The following RPS4X variants were observed in gnomAD, a reference collection of about 807,000 sequenced individuals.
RPS4X encodes ribosomal protein S4 X-linked.
For synonymous variants in RPS4X, 76 were observed against 76.8 expected (o/e 0.99, Z 0.06); for missense variants, 90 against 219.1 (o/e 0.41, Z 3.72).
intron 4 of RPS4X, 111 bp from the exon 5 acceptor site, chrX:72,274,083 G>T (rs1347029257): frequency 1.5e-5 from 10 of 665,723 alleles, no homozygotes; most frequent in Non-Finnish European, 1.9e-5. Context: ...GACGCTGATC[G>T]TTCTTTCCAC....
In RPS4X at chrX:72,275,119, A is replaced by G; in HGVS notation, c.294T>C (p.Asn98=). 1.7e-6 allele frequency: 2 copies of G among 1,206,574 alleles called. No homozygotes were observed. The highest frequency in any genetic ancestry group is 2.2e-6 in the Non-Finnish European group (2 of 891,537). Reference sequence around the variant, plus strand: ...CCTTGGTGTCATAGATCAGACGGAAATTCTCTCCCGTCTTGTCAATGCTGA... The same window carrying G: ...CCTTGGTGTCATAGATCAGACGGAAGTTCTCTCCCGTCTTGTCAATGCTGA... ...DVISIDKTGE[N]FRLIYDTKGR... Residue 98 remains asparagine (N), a synonymous_variant, in exon 4 of 7, where the codon AAT becomes AAC. Transcript: ENST00000316084.
At position 72,272,112 on chromosome X, in the gene RPS4X, GGC is replaced by G. The variant is rs1380081279; in HGVS notation, c.*557_*558del. ...GAAAAACAGAGTTGAGGACTGCAGC[GGC>G]AGCTGGAGAATAAGGGCACTAAGTC... is the stretch of plus-strand genomic sequence containing the variant. On this transcript the variant is annotated 3_prime_UTR_variant, in exon 7 of 7. Transcript: ENST00000316084. 15 of 112,435 alleles carry G rather than the reference GGC, an allele frequency of 1.3e-4. No individual in the cohort carries two copies. The highest frequency in any genetic ancestry group is 4.8e-4 in the African/African-American group (15 of 30,996). 9.3% of individuals were successfully genotyped at this position (112,435 alleles called of 1,213,427 possible).
chrX:72,273,206 T>G (rs928502560), intron 6 of RPS4X, 26 bp downstream of exon 6: 1 of 1,185,284 alleles, frequency 8.4e-7, no homozygotes, highest in East Asian at 3.0e-5. Context: ...TTCCTCAGAC[T>G]AGAGAGAAGG....
rs749435086 is a variant in RPS4X, at chrX:72,277,222, C to T, written c.-27G>A. ...GCTGCGTTAGGCAAGGAAAGAGGAC[C>T]TCCGTCTTCCGGTGCGCGTAGAAAT... On this transcript the variant is annotated 5_prime_UTR_variant, in exon 1 of 7. Coordinates refer to ENST00000316084, the MANE Select transcript of RPS4X (RefSeq NM_001007.5). The T allele has an allele frequency of 5.8e-6, 7 of 1,208,209 alleles. No homozygotes were observed. In the Admixed American group the frequency reaches 1.1e-4, roughly 19 times the overall value.
intron 1 of RPS4X, among the ~76,000 whole-genome samples, chrX:72,276,531 CTG>C (rs1286866399): frequency 8.9e-6 from 1 of 112,031 alleles, no homozygotes; most frequent in Non-Finnish European, 1.9e-5. Flanking sequence ...CTGTTTGAAA[CTG>C]TATCTGCTTA....
intron 3 of RPS4X, 63 bp downstream of exon 3, chrX:72,275,481 C>A (rs1302106352): frequency 1.1e-6 from 1 of 892,368 alleles, no homozygotes; most frequent in South Asian, 2.2e-5. Flanking sequence ...ATGATCAAGA[C>A]AGTATTTGGA....
rs759573596 is a variant in RPS4X at position 72,273,943 on chromosome X, A to C, written c.390T>G (p.Phe130Leu). ...KYKLCKVRKIFVGTKGIPHLV... is the reference protein window; with the variant it reads ...KYKLCKVRKILVGTKGIPHLV... ...GATGAGGGATTCCTTTTGTGCCCAC[A>C]AAGATCTTTCTCACTTTGCACAACT... Residue 130 changes from phenylalanine (F) to leucine (L), a missense_variant, in exon 5 of 7, where the codon TTT (phenylalanine) becomes TTG (leucine). Phe to Leu is a conservative substitution (Grantham distance 22). Transcript: ENST00000316084. 65 of 1,209,105 alleles carry C rather than the reference A, an allele frequency of 5.4e-5. No individual in the cohort carries two copies. The highest frequency in any genetic ancestry group is 6.8e-5 in the Non-Finnish European group (61 of 894,812).
chrX:72,272,572 T>TA lies in RPS4X; in HGVS notation c.*98_*99insT. 1 of 530,873 alleles carries TA rather than the reference T, an allele frequency of 1.9e-6. No homozygotes were observed. Among genetic ancestry groups the TA allele is most frequent in the South Asian group, 3.2e-5 (1 of 31,598 alleles). The allele number at this position is 530,873 out of a possible 1,213,427, so 43.7% of individuals were successfully genotyped here. On this transcript the variant is annotated 3_prime_UTR_variant, in exon 7 of 7. Transcript: ENST00000316084. ...TACAGTAAAATAGCAGGAAACTGAA[T>TA]TAAAAAAAAAAACAACCCACAAAAC...
At chrX:72,273,495 C>T in intron 5 of RPS4X, 106 bp from the exon 6 acceptor site, 1 of 833,301 alleles carries the variant, frequency 1.2e-6, no homozygotes, top group South Asian at 2.7e-5. Flanking sequence ...ATTTGAATTT[C>T]CTCATATGGA....
intron 5 of RPS4X, 66 bp from the exon 6 acceptor site, chrX:72,273,455 C>A: frequency 9.9e-7 from 1 of 1,006,029 alleles, no homozygotes; most frequent in Non-Finnish European, 1.3e-6. Context: ...AGAGATGGGT[C>A]CAAACAAATT....
At chrX:72,277,075 G>T in intron 1 of RPS4X, 118 bp downstream of exon 1, 1 of 898,040 alleles carries the variant, frequency 1.1e-6, no homozygotes, top group Non-Finnish European at 1.6e-6. Context: ...CACGGAGGCC[G>T]TGATCCCTTC....
At position 72,272,537 on chromosome X, in the gene RPS4X, G is replaced by T; in HGVS notation, c.*134C>A. ...AAGCCTGCCTGAGAACTTAATCACT[G>T]TTCATGTTATACAGTAAAATAGCAG... is the stretch of plus-strand genomic sequence containing the variant. On this transcript the variant is annotated 3_prime_UTR_variant, in exon 7 of 7. Coordinates refer to ENST00000316084, the MANE Select transcript of RPS4X (RefSeq NM_001007.5). The T allele has an allele frequency of 2.2e-6, 1 of 444,996 alleles. No homozygotes were observed. The highest frequency in any genetic ancestry group is 3.9e-6 in the Non-Finnish European group (1 of 258,860). 36.7% of individuals were successfully genotyped at this position (444,996 alleles called of 1,213,427 possible).
At chrX:72,277,030 G>A (rs931814027) in intron 1 of RPS4X, among the ~76,000 whole-genome samples, 163 bp downstream of exon 1, 1 of 112,568 alleles carries the variant, frequency 8.9e-6, no homozygotes, top group Non-Finnish European at 1.9e-5. Context: ...CTAGGCCAGC[G>A]TTCGCCCTTC....
chrX:72,277,045 TGGAGCCCGTCCCGGCCTACCAC>T, intron 1 of RPS4X, 126 bp downstream of exon 1: 2 of 674,129 alleles, frequency 3.0e-6, no homozygotes, highest in Admixed American at 6.5e-5. Context: ...CCCTTCGCCC[TGGAGCCCGTCCCGGCCTACCAC>T]GGAGGCCGTG....
intron 6 of RPS4X, 113 bp from the exon 7 acceptor site, chrX:72,272,885 G>A (rs1266117406): frequency 3.7e-6 from 2 of 537,402 alleles, no homozygotes; most frequent in East Asian, 7.2e-5. Context: ...TTGTGAGAGT[G>A]CTTGGCATCA....
At chrX:72,276,710 T>TAC (rs1292372712) in intron 1 of RPS4X, among the ~76,000 whole-genome samples, 1 of 112,489 alleles carries the variant, frequency 8.9e-6, no homozygotes, top group African/African-American at 3.2e-5. Context: ...TGCTCCTTCG[T>TAC]ACACTAAAGC....
chrX:72,277,221 C>A lies in RPS4X; in HGVS notation c.-26G>T, dbSNP rs780349503. 8 of 1,206,855 alleles carry A rather than the reference C, an allele frequency of 6.6e-6. No individual in the cohort carries two copies. Among genetic ancestry groups the A allele is most frequent in the Non-Finnish European group, 9.0e-6 (8 of 892,990 alleles). ...GGCTGCGTTAGGCAAGGAAAGAGGA[C>A]CTCCGTCTTCCGGTGCGCGTAGAAA... On this transcript the variant is annotated 5_prime_UTR_variant, in exon 1 of 7. Transcript: ENST00000316084.
rs201129683 is a variant in RPS4X at position 72,273,772 on chromosome X, G to C, written c.532+29C>G. The C allele has an allele frequency of 1.2e-3, 1,419 of 1,177,732 alleles. 1 individual carries two copies. Among genetic ancestry groups the C allele is most frequent in the Non-Finnish European group, 1.6e-3 (1,358 of 867,679 alleles). ...TCATAATGATCTAGGCCTTAAAGAG[G>C]GTGCCCAGGTAGCACAGAGGATGCT... On this transcript the variant is annotated intron_variant, in intron 5 of 6. Transcript: ENST00000316084.
In RPS4X at chrX:72,272,571, AT is replaced by A; in HGVS notation, c.*99del. ...ATACAGTAAAATAGCAGGAAACTGA[AT>A]TAAAAAAAAAAACAACCCACAAAAC... On this transcript the variant is annotated 3_prime_UTR_variant, in exon 7 of 7. Coordinates refer to ENST00000316084, the MANE Select transcript of RPS4X (RefSeq NM_001007.5). 1 of 524,767 alleles carries A rather than the reference AT, an allele frequency of 1.9e-6. No homozygotes were observed. The highest frequency in any genetic ancestry group is 3.2e-5 in the South Asian group (1 of 31,496). The allele number at this position is 524,767 out of a possible 1,213,427, so 43.2% of individuals were successfully genotyped here.
Sources: gnomAD v4.1 joint callset for allele counts (sites outside exome capture counted in the v4.1 genomes callset) on GRCh38, gnomAD v4.1.1 for gene constraint, MANE v1.5 for transcripts, NCBI Gene and HGNC (gene_info 2026-07-23, HGNC 2026-07-21) for gene names.